Variants in CYRIB observed in about 807,000 individuals in gnomAD.
CYRIB encodes CYFIP-related Rac1 interactor B.
In CYRIB, 8 loss-of-function variants were observed where a neutral mutation model predicts 44.2. That is an observed-to-expected ratio of 0.18 (90% CI 0.11 to 0.33). CYRIB has a LOEUF of 0.33. Among genes scored for constraint, CYRIB ranks in the 10% least tolerant of loss-of-function variants. The probability of loss-of-function intolerance (pLI) is 1.00; values close to 1 mark genes in which losing one functional copy is unlikely to be tolerated. For synonymous variants in CYRIB, 131 were observed against 127.2 expected (o/e 1.03, Z -0.20); for missense variants, 185 against 382.8 (o/e 0.48, Z 4.31).
chr8:129,846,712 C>T (rs1339965322), intron 11 of CYRIB, 92 bp downstream of exon 13: 2 of 780,948 alleles, frequency 2.6e-6, no homozygotes, highest in Non-Finnish European at 4.2e-6. Flanking sequence ...ATTTTTATAT[C>T]CTATTCACAC....
intron 2 of CYRIB, among the ~76,000 whole-genome samples, chr8:129,889,143 T>C (rs924798560): frequency 1.3e-5 from 2 of 152,088 alleles, no homozygotes; most frequent in African/African-American, 4.8e-5. Flanking sequence ...CTACATCCAC[T>C]CTGCCTGTGC....
chr8:129,849,263 C>T (rs773848496), exon 10 of CYRIB: 1 of 1,598,912 alleles, frequency 6.3e-7, no homozygotes, highest in South Asian at 1.1e-5. Flanking sequence ...GAAGTTTTAG[C>T]AAATGCTCCC....
At chr8:129,999,053 T>G (rs1018688311) in intron 1 of CYRIB, among the ~76,000 whole-genome samples, 1 of 152,110 alleles carries the variant, frequency 6.6e-6, no homozygotes, top group East Asian at 1.9e-4. Flanking sequence ...CATCTATTCA[T>G]AGCCGTCTGT....
At chr8:129,867,527 T>C (rs2054422453) in intron 4 of CYRIB, among the ~76,000 whole-genome samples, 1 of 151,936 alleles carries the variant, frequency 6.6e-6, no homozygotes, top group African/African-American at 2.4e-5. Flanking sequence ...TCCTAGACAA[T>C]AAGCATTGTT....
At chr8:130,002,885 C>T (rs1463782808) in intron 1 of CYRIB, among the ~76,000 whole-genome samples, 2 of 152,194 alleles carry the variant, frequency 1.3e-5, no homozygotes, top group African/African-American at 4.8e-5. Flanking sequence ...GTGGCTTGAG[C>T]TCGAATTTGA....
At chr8:130,006,607 C>CACACATATATATGTGTATATATAT (rs1359122569) in intron 1 of CYRIB, among the ~76,000 whole-genome samples, 437 of 7,114 alleles carry the variant, frequency 0.061, 82 homozygotes, top group African/African-American at 0.17. Flanking sequence ...TATATATATA[C>CACACATATATATGTGTATATATAT]ATATATATGT....
intron 2 of CYRIB, among the ~76,000 whole-genome samples, chr8:129,886,905 A>G (rs1418504492): frequency 1.3e-5 from 2 of 152,090 alleles, no homozygotes; most frequent in Non-Finnish European, 2.9e-5. Context: ...AATCTCTTCC[A>G]CATATAAGAG....
chr8:129,897,781 T>C (rs866923067), intron 2 of CYRIB, among the ~76,000 whole-genome samples: 2 of 151,916 alleles, frequency 1.3e-5, no homozygotes, highest in Non-Finnish European at 2.9e-5. Flanking sequence ...TTTTTATTTT[T>C]TGAGACAGAG....
chr8:129,923,995 C>T (rs78831787), intron 1 of CYRIB, among the ~76,000 whole-genome samples: 1 of 149,932 alleles, frequency 6.7e-6, no homozygotes, highest in Non-Finnish European at 1.5e-5. Context: ...TTTAGGCCAG[C>T]TGCAGTAGCT....
At chr8:129,990,255 CAT>C (rs979802631) in intron 1 of CYRIB, among the ~76,000 whole-genome samples, 9 of 152,268 alleles carry the variant, frequency 5.9e-5, no homozygotes, top group East Asian at 1.9e-4. Context: ...TACATACAAA[CAT>C]GTTTATTTGT....
At chr8:129,879,322 C>T (rs2060121007) in intron 3 of CYRIB, 67 bp downstream of exon 5, 3 of 1,025,236 alleles carry the variant, frequency 2.9e-6, no homozygotes, top group Non-Finnish European at 3.0e-6. Context: ...TGGAAACATT[C>T]ATTTAGTGCA....
intron 1 of CYRIB, among the ~76,000 whole-genome samples, chr8:129,983,759 A>G (rs1202234447): frequency 6.6e-6 from 1 of 152,212 alleles, no homozygotes; most frequent in East Asian, 1.9e-4. Flanking sequence ...ACCGCCCGGG[A>G]GCACGTCCTG....
rs573682255 is a variant in CYRIB at position 130,006,112 on chromosome 8, G to A, written c.-296+10258C>T. On this transcript the variant is annotated intron_variant, in intron 1 of 14. Transcript: ENST00000401979. ...GAGGTCAGGAGCTTGAGACTCACCT[G>A]GCCAACATGGTAAAATACTGTCTCT... Among the ~76,000 whole-genome samples, 8 of 152,188 alleles carry A rather than the reference G, an allele frequency of 5.3e-5. No homozygotes were observed. In the South Asian group the frequency reaches 1.7e-3, roughly 32 times the overall value.
At chr8:129,939,497 C>T (rs1590622772) in intron 1 of CYRIB, 1 of 151,782 alleles carries the variant, frequency 6.6e-6, no homozygotes, top group Non-Finnish European at 1.5e-5. Flanking sequence ...GAGGAAGCCC[C>T]GCGCCAGCGC....
chr8:129,936,370 AGTT>A (rs981511863), intron 1 of CYRIB, among the ~76,000 whole-genome samples: 1 of 152,216 alleles, frequency 6.6e-6, no homozygotes, highest in Non-Finnish European at 1.5e-5. Flanking sequence ...CACATTACAG[AGTT>A]GTTATAAAAC....
intron 2 of CYRIB, among the ~76,000 whole-genome samples, chr8:129,893,720 A>C (rs2066516438): frequency 6.6e-6 from 1 of 152,108 alleles, no homozygotes; most frequent in Non-Finnish European, 1.5e-5. Flanking sequence ...TATTAGATAG[A>C]GATGGGTTCT....
intron 1 of CYRIB, among the ~76,000 whole-genome samples, chr8:129,977,278 C>T (rs1401356187): frequency 6.6e-6 from 1 of 152,206 alleles, no homozygotes; most frequent in African/African-American, 2.4e-5. Flanking sequence ...CCATGTTCAG[C>T]TCAAGATTCA....
intron 3 of CYRIB, among the ~76,000 whole-genome samples, chr8:129,875,939 C>A (rs1459655177): frequency 6.6e-6 from 1 of 151,978 alleles, no homozygotes; most frequent in Non-Finnish European, 1.5e-5. Flanking sequence ...CATGGTGAAA[C>A]CCCATCTCTA....
At chr8:129,921,662 C>T (rs1187710123) in intron 1 of CYRIB, among the ~76,000 whole-genome samples, 1 of 152,128 alleles carries the variant, frequency 6.6e-6, no homozygotes, top group Non-Finnish European at 1.5e-5. Context: ...AATTTAGTAT[C>T]ACCAAAAATG....
Sources: allele counts gnomAD v4.1 joint callset (sites outside exome capture counted in the v4.1 genomes callset), GRCh38; gene constraint gnomAD v4.1.1; transcripts MANE v1.5; gene names NCBI Gene and HGNC (gene_info 2026-07-23, HGNC 2026-07-21).